VIT: variants seen among roughly 807,000 people sequenced by gnomAD.
The protein encoded by VIT is vitrin.
Under a neutral mutation model 78.0 loss-of-function variants are expected in VIT, and 99 were observed. The observed-to-expected ratio is 1.27, with a 90% CI of 1.08 to 1.50. The LOEUF (loss-of-function observed/expected upper bound fraction) is 1.50. Among genes scored for constraint, VIT ranks in the 40% most tolerant of loss-of-function variants. VIT has a pLI of 0.00. For synonymous variants in VIT, 374 were observed against 334.3 expected (o/e 1.12, Z -1.29); for missense variants, 1,126 against 875.3 (o/e 1.29, Z -3.61).
At chr2:36,731,638 A>G (rs1012928414) in intron 3 of VIT, among the ~76,000 whole-genome samples, 11 of 152,186 alleles carry the variant, frequency 7.2e-5, no homozygotes, top group African/African-American at 2.4e-4. Flanking sequence ...ATGAAAAAAA[A>G]GAAGAATTGA....
At chr2:36,699,155 C>T (rs544881548) in intron 1 of VIT, among the ~76,000 whole-genome samples, 1 of 152,252 alleles carries the variant, frequency 6.6e-6, no homozygotes, top group South Asian at 2.1e-4. Context: ...GGGGACAAGA[C>T]AGAACACAAT....
intron 2 of VIT, among the ~76,000 whole-genome samples, chr2:36,726,279 T>C (rs1433687398): frequency 3.3e-5 from 5 of 152,328 alleles, no homozygotes; most frequent in South Asian, 4.1e-4. Flanking sequence ...TTAAAATTAC[T>C]GTAGAAAGAA....
rs547560948 is a variant in VIT, at chr2:36,797,969, C to A, written c.1059-3332C>A. 3.9e-5 allele frequency among the ~76,000 whole-genome samples: 6 copies of A among 151,992 alleles called. No individual in the cohort carries two copies. The South Asian group carries it at 1.2e-3, about 32-fold the overall frequency. On this transcript the variant is annotated intron_variant, in intron 12 of 15. Transcript: ENST00000379242. ...TGGGTCGCTGAGCTTGGAGGGTGGG[C>A]ACGATTGGGGCTTTCCAGATGAGGG...
At chr2:36,810,777 G>A (rs1015720005) in intron 15 of VIT, among the ~76,000 whole-genome samples, 2 of 152,014 alleles carry the variant, frequency 1.3e-5, no homozygotes, top group Non-Finnish European at 2.9e-5. Flanking sequence ...GGGATTACAG[G>A]CACACACCAC....
intron 4 of VIT, among the ~76,000 whole-genome samples, chr2:36,751,833 A>G (rs1271516636): frequency 6.6e-6 from 1 of 152,222 alleles, no homozygotes; most frequent in African/African-American, 2.4e-5. Context: ...GGAAGGAGGT[A>G]CCACTATTCA....
chr2:36,792,917 A>G lies in VIT; in HGVS notation c.1058+5641A>G, dbSNP rs374941790. 1.3e-5 allele frequency among the ~76,000 whole-genome samples: 2 copies of G among 151,976 alleles called. 1 individual carries two copies. Among genetic ancestry groups the G allele is most frequent in the Admixed American group, 1.3e-4 (2 of 15,272 alleles). ...AGCCCCATTGCTGATTTTTATTATT[A>G]TTATTATTACTAAAGCATCCTCTAA... is the stretch of plus-strand genomic sequence containing the variant. On this transcript the variant is annotated intron_variant, in intron 12 of 15. Transcript: ENST00000379242.
chr2:36,731,638 A>AT (rs949438549), intron 3 of VIT, among the ~76,000 whole-genome samples: 1 of 152,186 alleles, frequency 6.6e-6, no homozygotes, highest in African/African-American at 2.4e-5. Flanking sequence ...ATGAAAAAAA[A>AT]GAAGAATTGA....
intron 15 of VIT, among the ~76,000 whole-genome samples, chr2:36,813,420 G>C (rs1052838318): frequency 6.6e-6 from 1 of 152,158 alleles, no homozygotes; most frequent in Non-Finnish European, 1.5e-5. Flanking sequence ...TTGCACTCTA[G>C]TCTGGGTGAC....
chr2:36,706,541 C>T (rs1399549044), intron 1 of VIT, among the ~76,000 whole-genome samples: 1 of 152,218 alleles, frequency 6.6e-6, no homozygotes, highest in Non-Finnish European at 1.5e-5. Context: ...CTCCATCTCT[C>T]TCTGCCGTCC....
At chr2:36,805,737 T>C in intron 14 of VIT, 73 bp downstream of exon 14, 1 of 1,490,880 alleles carries the variant, frequency 6.7e-7, no homozygotes, top group Non-Finnish European at 9.1e-7. Context: ...GCCGTTGCAG[T>C]GGTTTTCCCA....
intron 6 of VIT, among the ~76,000 whole-genome samples, chr2:36,761,404 C>A (rs989904714): frequency 2.6e-5 from 4 of 152,022 alleles, no homozygotes; most frequent in Non-Finnish European, 4.4e-5. Flanking sequence ...ACTGGAATGG[C>A]CTCACCCGTG....
At chr2:36,795,223 A>G (rs1665788261) in intron 12 of VIT, among the ~76,000 whole-genome samples, 2 of 152,128 alleles carry the variant, frequency 1.3e-5, no homozygotes, top group South Asian at 4.1e-4. Flanking sequence ...TGTAATCTCA[A>G]ACTTGTAATT....
intron 1 of VIT, among the ~76,000 whole-genome samples, chr2:36,714,125 G>C (rs1665980377): frequency 1.3e-5 from 2 of 152,200 alleles, no homozygotes; most frequent in African/African-American, 2.4e-5. Flanking sequence ...AAAGTGATCA[G>C]TTCTGTTTGG....
chr2:36,720,170 T>C (rs896779651), intron 2 of VIT, among the ~76,000 whole-genome samples: 2 of 151,986 alleles, frequency 1.3e-5, no homozygotes, highest in Non-Finnish European at 2.9e-5. Context: ...ACAGAAAAGA[T>C]TCCAAAAGGC....
intron 12 of VIT, among the ~76,000 whole-genome samples, chr2:36,795,320 G>A (rs563213475): frequency 2.0e-5 from 3 of 151,786 alleles, no homozygotes; most frequent in South Asian, 4.2e-4. Context: ...CCCAGCTAAG[G>A]TCAAACAAGA....
rs766244376 is a variant in VIT at position 36,783,315 on chromosome 2, C to G, written c.848-25C>G. 4.3e-6 allele frequency: 7 copies of G among 1,613,426 alleles called. No individual in the cohort carries two copies. In the Admixed American group the frequency reaches 1.0e-4, roughly 23 times the overall value. The stretch of plus-strand genomic sequence containing the variant: ...AGCTGCTTCCTTTCCTTGTAAGTCA[C>G]CAAAAGTTTTACTGCTCTTTCCAGG... On this transcript the variant is annotated intron_variant, in intron 10 of 15. Coordinates refer to ENST00000379242, the MANE Select transcript of VIT (RefSeq NM_053276.4).
At position 36,776,442 on chromosome 2, in the gene VIT, G is replaced by GTT. The variant is rs35789301; in HGVS notation, c.802+1382_802+1383dup. ...ACTGAAGCCTTGGTTTTAGAAAACA[G>GTT]TTTTTTTTCAGTAAAAATTAACGCT... On this transcript the variant is annotated intron_variant, in intron 9 of 15. Transcript: ENST00000379242. 1.0e-3 allele frequency among the ~76,000 whole-genome samples: 159 copies of GTT among 151,884 alleles called. No individual in the cohort carries two copies. In the East Asian group the frequency reaches 0.013, roughly 13 times the overall value.
At chr2:36,765,707 C>T (rs568158234) in intron 6 of VIT, among the ~76,000 whole-genome samples, 1 of 152,358 alleles carries the variant, frequency 6.6e-6, no homozygotes, top group South Asian at 2.1e-4. Context: ...TGGCCACAAG[C>T]CAAGGAATGC....
At chr2:36,769,506 C>G (rs1007666056) in intron 7 of VIT, among the ~76,000 whole-genome samples, 8 of 152,148 alleles carry the variant, frequency 5.3e-5, no homozygotes, top group Non-Finnish European at 7.3e-5. Context: ...TAGACAAACG[C>G]TCGGAGCAAG....
Sources: allele counts gnomAD v4.1 joint callset (sites outside exome capture counted in the v4.1 genomes callset), GRCh38; gene constraint gnomAD v4.1.1; transcripts MANE v1.5; gene names NCBI Gene and HGNC (gene_info 2026-07-23, HGNC 2026-07-21).